The following IWS1 variants were observed in gnomAD, a reference collection of about 807,000 sequenced individuals.
IWS1 encodes the protein interacts with SUPT6H, CTD assembly factor 1, also known as protein IWS1 homolog.
IWS1 carries 27 observed loss-of-function variants against 86.7 expected under a neutral mutation model. The observed-to-expected ratio is 0.31, with a 90% confidence interval of 0.23 to 0.43. IWS1 has a LOEUF of 0.43. Among genes scored for constraint, IWS1 ranks in the 20% least tolerant of loss-of-function variants. IWS1 has a pLI of 1.00. For missense variants in IWS1, 827 were observed against 1,000.8 expected (o/e 0.83, Z 2.34); for synonymous variants, 313 against 335.1 (o/e 0.93, Z 0.72).
upstream of IWS1, chr2:127,526,532 C>A: frequency 6.8e-7 from 1 of 1,460,754 alleles, no homozygotes; most frequent in Non-Finnish European, 9.2e-7. Flanking sequence ...GCGCCGCAAC[C>A]CGTCAACCGG....
chr2:127,524,848 T>C (rs1471738996), intron 1 of IWS1, among the ~76,000 whole-genome samples: 1 of 150,990 alleles, frequency 6.6e-6, no homozygotes, highest in Non-Finnish European at 1.5e-5. Flanking sequence ...GAAAAAAAAC[T>C]ATTCTGAAAG....
At chr2:127,493,118 C>T in intron 9 of IWS1, 163 bp downstream of exon 9, 1 of 542,558 alleles carries the variant, frequency 1.8e-6, no homozygotes, top group Non-Finnish European at 3.0e-6. Context: ...ATAAGGTCTT[C>T]CCTTTCACGC....
intron 13 of IWS1, among the ~76,000 whole-genome samples, chr2:127,485,187 C>T (rs551621969): frequency 2.0e-5 from 3 of 152,120 alleles, no homozygotes; most frequent in African/African-American, 4.8e-5. Context: ...TAAGAAAGTA[C>T]GTTTTGTTTT....
chr2:127,484,481 A>G (rs1395440480), intron 13 of IWS1: 1 of 152,212 alleles, frequency 6.6e-6, no homozygotes, highest in Admixed American at 6.5e-5. Context: ...AGCGTCTACA[A>G]TGTGGAAGCA....
chr2:127,491,602 C>T (rs1337398110), intron 10 of IWS1, among the ~76,000 whole-genome samples: 1 of 152,092 alleles, frequency 6.6e-6, no homozygotes, highest in East Asian at 1.9e-4. Context: ...TACCACCATG[C>T]CCGGCTAATT....
intron 2 of IWS1, among the ~76,000 whole-genome samples, chr2:127,506,334 C>T (rs984948366): frequency 6.6e-6 from 1 of 151,988 alleles, no homozygotes; most frequent in Non-Finnish European, 1.5e-5. Context: ...CACCATCGCA[C>T]TCCAGCCTGG....
chr2:127,499,772 A>C lies in IWS1; in HGVS notation c.1468-1535T>G, dbSNP rs1422985251. 6.6e-6 allele frequency among the ~76,000 whole-genome samples: 1 copy of C among 152,028 alleles called. No individual in the cohort carries two copies. Among genetic ancestry groups the C allele is most frequent in the Non-Finnish European group, 1.5e-5 (1 of 67,980 alleles). On this transcript the variant is annotated intron_variant, in intron 5 of 13. Coordinates refer to ENST00000295321, the MANE Select transcript of IWS1 (RefSeq NM_017969.3). The surrounding 1 kb of genome is among the most constrained non-coding windows in gnomAD (Gnocchi z 4.0). ...TTGTTTTTTTTTTGACCCAAGAACT[A>C]TTTAAGCAGGGTTTAAGTTTCTGAG...
chr2:127,516,801 CAA>C (rs1691802668), intron 2 of IWS1, among the ~76,000 whole-genome samples: 1 of 152,062 alleles, frequency 6.6e-6, no homozygotes. Flanking sequence ...TTTTTAAAAA[CAA>C]AACAAAACCT....
rs143183369 is a variant in IWS1, at chr2:127,507,839, A to G, written c.151-2087T>C. 3.1e-4 allele frequency among the ~76,000 whole-genome samples: 47 copies of G among 152,316 alleles called. 1 individual carries two copies. The East Asian group carries it at 8.5e-3, about 27-fold the overall frequency. ...ACTTCTTGAGCACTGACATGACACCACAAGTGGAAAATTCCACACATAAGC... is the reference window on the plus strand; with the variant it reads ...ACTTCTTGAGCACTGACATGACACCGCAAGTGGAAAATTCCACACATAAGC... On this transcript the variant is annotated intron_variant, in intron 2 of 13. Coordinates refer to ENST00000295321, the MANE Select transcript of IWS1 (RefSeq NM_017969.3).
chr2:127,526,419 C>G lies in IWS1; in HGVS notation c.-211G>C. ...GGCGGAAAAGGCCGTACCCGGCAGG[C>G]TGGCGGGCGGGCAGGCATGCGAGCC... is the stretch of plus-strand genomic sequence containing the variant. On this transcript the variant is annotated 5_prime_UTR_variant, in exon 1 of 14. Transcript: ENST00000295321. 6.5e-7 allele frequency: 1 copy of G among 1,536,210 alleles called. No homozygotes were observed. Among genetic ancestry groups the G allele is most frequent in the Non-Finnish European group, 8.7e-7 (1 of 1,145,188 alleles).
chr2:127,496,548 CAT>C (rs1218530545), intron 6 of IWS1, among the ~76,000 whole-genome samples: 1 of 118,924 alleles, frequency 8.4e-6, no homozygotes, highest in African/African-American at 4.1e-5. Flanking sequence ...CATATTTTAT[CAT>C]ACACACACAC....
Position 127,494,937 on chromosome 2 carries a change from G to A in IWS1, c.1734C>T (p.Asn578=). The change falls in exon 8 of 14, where the codon AAC becomes AAT. Residue 578 remains asparagine, a synonymous_variant. Coordinates refer to ENST00000295321, the MANE Select transcript of IWS1 (RefSeq NM_017969.3). ...TTTTCAGTGCTGGCTTTTTTTGATT[G>A]TTCAACTGTCTGTCTTCCTATTCAG... ...NEAAEEDRQL[N]NQKKPALKKL... The A allele has an allele frequency of 1.3e-6, 2 of 1,595,746 alleles. No individual in the cohort carries two copies. Among genetic ancestry groups the A allele is most frequent in the South Asian group, 2.3e-5 (2 of 87,404 alleles).
chr2:127,491,488 G>A (rs1690223173), intron 10 of IWS1, among the ~76,000 whole-genome samples: 1 of 151,956 alleles, frequency 6.6e-6, no homozygotes. Context: ...TTGTTGCCCA[G>A]GCTGGAGTGC....
chr2:127,509,942 G>T lies in IWS1; in HGVS notation c.151-4190C>A, dbSNP rs535215433. On this transcript the variant is annotated intron_variant, in intron 2 of 13. Coordinates refer to ENST00000295321, the MANE Select transcript of IWS1 (RefSeq NM_017969.3). ...ACTGCTATAAATCAAATAATAATTT[G>T]TAAAGTATTCAAATTTCAAAGTATT... Among the ~76,000 whole-genome samples the T allele has an allele frequency of 7.9e-4, 120 of 152,236 alleles. 1 individual carries two copies. Among genetic ancestry groups the T allele is most frequent in the African/African-American group, 2.8e-3 (116 of 41,538 alleles).
At chr2:127,508,539 T>C (rs1412168977) in intron 2 of IWS1, among the ~76,000 whole-genome samples, 1 of 152,224 alleles carries the variant, frequency 6.6e-6, no homozygotes, top group African/African-American at 2.4e-5. Flanking sequence ...TAACACCATT[T>C]CTATGTGTGA....
At chr2:127,513,164 C>T (rs1691565161) in intron 2 of IWS1, among the ~76,000 whole-genome samples, 1 of 152,166 alleles carries the variant, frequency 6.6e-6, no homozygotes, top group African/African-American at 2.4e-5. Context: ...TTGCTTGAAC[C>T]CAGGAAGCAG....
At chr2:127,519,408 T>A (rs1372381399) in intron 2 of IWS1, among the ~76,000 whole-genome samples, 1 of 152,120 alleles carries the variant, frequency 6.6e-6, no homozygotes, top group African/African-American at 2.4e-5. Context: ...GGTTAAGAAA[T>A]CTGCAAAAGT....
At chr2:127,504,338 C>G (rs17015334) in intron 3 of IWS1, among the ~76,000 whole-genome samples, 20,667 of 151,866 alleles carry the variant, frequency 0.14, 1,707 homozygotes, top group South Asian at 0.3. Flanking sequence ...AAGAGACCCA[C>G]AGCTAACAAT....
chr2:127,510,552 G>A (rs1361898474), intron 2 of IWS1, among the ~76,000 whole-genome samples: 1 of 152,088 alleles, frequency 6.6e-6, no homozygotes, highest in Non-Finnish European at 1.5e-5. Flanking sequence ...AAGTGCAGTA[G>A]CATAACCATA....
Sources: allele counts gnomAD v4.1 joint callset (sites outside exome capture counted in the v4.1 genomes callset), GRCh38; gene constraint gnomAD v4.1.1; non-coding constraint Gnocchi (gnomAD v3.1); transcripts MANE v1.5; gene names NCBI Gene and HGNC (gene_info 2026-07-23, HGNC 2026-07-21).